OPCML: variants seen among roughly 807,000 people sequenced by gnomAD.
The protein encoded by OPCML is opioid-binding protein/cell adhesion molecule.
A neutral mutation model predicts 37.8 loss-of-function variants in OPCML; 13 were observed. The observed-to-expected ratio is 0.34, with a 90% CI of 0.22 to 0.55. The LOEUF (loss-of-function observed/expected upper bound fraction) is 0.55. Ranked by LOEUF, OPCML falls within the 20% of genes least tolerant of loss-of-function variation. The pLI is 0.91. For synonymous variants in OPCML, 176 were observed against 168.8 expected, an observed-to-expected ratio of 1.04 and a Z score of -0.33; for missense variants, 341 against 435.6, an observed-to-expected ratio of 0.78 and a Z score of 1.93.
At chr11:132,704,958 G>A (rs1333251990) in intron 2 of OPCML, among the ~76,000 whole-genome samples, 1 of 152,220 alleles carries the variant, frequency 6.6e-6, no homozygotes, top group Non-Finnish European at 1.5e-5. Flanking sequence ...TTGGGAGATG[G>A]AAGAGTGAAG....
intron 1 of OPCML, among the ~76,000 whole-genome samples, chr11:133,190,900 G>T (rs1267155186): frequency 2.0e-5 from 3 of 151,786 alleles, no homozygotes; most frequent in African/African-American, 4.8e-5. Flanking sequence ...TTTTAATAAG[G>T]TATATGTTTG....
At chr11:132,685,982 T>C (rs1166548520) in intron 2 of OPCML, among the ~76,000 whole-genome samples, 2 of 152,152 alleles carry the variant, frequency 1.3e-5, no homozygotes, top group African/African-American at 2.4e-5. Context: ...CTGGTGGCAT[T>C]TATTTTGAGT....
At chr11:133,353,479 C>T (rs1029887480) in intron 1 of OPCML, among the ~76,000 whole-genome samples, 10 of 152,052 alleles carry the variant, frequency 6.6e-5, no homozygotes, top group African/African-American at 2.4e-4. Context: ...CTGTTTTGGC[C>T]AGTCATCTTT....
intron 2 of OPCML, among the ~76,000 whole-genome samples, chr11:132,797,169 A>G (rs1938375573): frequency 6.6e-6 from 1 of 152,190 alleles, no homozygotes; most frequent in African/African-American, 2.4e-5. Flanking sequence ...CATATATAAG[A>G]AAGTTTTACC....
chr11:132,738,257 G>A (rs527639745), intron 2 of OPCML, among the ~76,000 whole-genome samples: 3 of 152,332 alleles, frequency 2.0e-5, no homozygotes, highest in African/African-American at 7.2e-5. Flanking sequence ...TTCTTTTGCA[G>A]TACACCCTTT....
At chr11:132,691,329 C>A (rs906394137) in intron 2 of OPCML, among the ~76,000 whole-genome samples, 4 of 152,210 alleles carry the variant, frequency 2.6e-5, no homozygotes, top group Admixed American at 6.5e-5. Flanking sequence ...AGCTAGTGAG[C>A]CTCCTGACAG....
chr11:133,085,009 T>C (rs1948797602), intron 1 of OPCML, among the ~76,000 whole-genome samples: 1 of 152,190 alleles, frequency 6.6e-6, no homozygotes, highest in Non-Finnish European at 1.5e-5. Context: ...GACTGAAATA[T>C]CTCATTCCTA....
At chr11:133,007,665 A>C (rs1206975207) in intron 1 of OPCML, 2 of 985,338 alleles carry the variant, frequency 2.0e-6, no homozygotes, top group African/African-American at 3.5e-5. Context: ...TTTTATTGAA[A>C]TAATAGGCAC....
Position 132,418,901 on chromosome 11 carries a change from C to G in OPCML, c.*1292G>C, listed in dbSNP as rs1361598330. Reference sequence around the variant, plus strand: ...CAAGTGCAAAAGGAAAACCACAGTGCTAATCAAAACTTTTCTAGGCTGATC... The same window carrying G: ...CAAGTGCAAAAGGAAAACCACAGTGGTAATCAAAACTTTTCTAGGCTGATC... On this transcript the variant is annotated 3_prime_UTR_variant, in exon 8 of 8. Coordinates refer to ENST00000524381, the MANE Select transcript of OPCML (RefSeq NM_001012393.5). 3 of 152,640 alleles carry G rather than the reference C, an allele frequency of 2.0e-5. No individual in the cohort carries two copies. Among genetic ancestry groups the G allele is most frequent in the Admixed American group, 2.0e-4 (3 of 15,268 alleles). The allele number at this position is 152,640 out of a possible 1,614,324, so 9.5% of individuals were successfully genotyped here. A position where few individuals can be genotyped will look rare whatever the true frequency, so the allele number is the denominator to read the frequency against.
intron 1 of OPCML, among the ~76,000 whole-genome samples, chr11:133,166,412 G>A (rs1950208597): frequency 2.0e-5 from 3 of 152,212 alleles, no homozygotes; most frequent in Non-Finnish European, 4.4e-5. Flanking sequence ...TCTGCTCAAG[G>A]CCATACAGCT....
chr11:133,206,221 C>A lies in OPCML; in HGVS notation c.62-263211G>T, dbSNP rs959224013. On this transcript the variant is annotated intron_variant, in intron 1 of 7. Transcript: ENST00000524381. This position sits in a 1 kb window ranked among gnomAD's most constrained non-coding sequence, Gnocchi z 4.7. ...AAACGTCATCAATGCTCAATGAATG[C>A]GAGCAGTACATTAAAGATCAGCAGT... Among the ~76,000 whole-genome samples, 17 of 152,108 alleles carry A rather than the reference C, an allele frequency of 1.1e-4. No individual in the cohort carries two copies. The highest frequency in any genetic ancestry group is 6.6e-5 in the Admixed American group (1 of 15,264).
intron 1 of OPCML, among the ~76,000 whole-genome samples, chr11:133,011,926 T>G (rs964620312): frequency 9.0e-4 from 137 of 152,206 alleles, no homozygotes; most frequent in African/African-American, 3.2e-3. Flanking sequence ...CCATTGTAGG[T>G]CAAAAACAGC....
chr11:132,559,240 A>G (rs1380966353), intron 3 of OPCML, among the ~76,000 whole-genome samples: 2 of 152,096 alleles, frequency 1.3e-5, no homozygotes, highest in Admixed American at 6.5e-5. Context: ...CCCACTGTCA[A>G]ATCTATCTTG....
intron 2 of OPCML, among the ~76,000 whole-genome samples, chr11:132,711,857 T>A (rs1008602226): frequency 3.3e-5 from 5 of 152,216 alleles, no homozygotes; most frequent in African/African-American, 9.7e-5. Context: ...CCTTCCAATG[T>A]AATTCTTTCT....
intron 3 of OPCML, among the ~76,000 whole-genome samples, chr11:132,577,847 G>A (rs548179325): frequency 1.3e-5 from 2 of 152,132 alleles, no homozygotes; most frequent in East Asian, 3.9e-4. Context: ...AAATTCTGGA[G>A]TTTAAGTCTT....
chr11:133,366,193 T>C (rs114555005), intron 1 of OPCML: 102 of 152,356 alleles, frequency 6.7e-4, no homozygotes, highest in African/African-American at 2.4e-3. Context: ...TACAAATTAC[T>C]GGCAGGAGGC....
chr11:132,820,614 A>C (rs541850162), intron 2 of OPCML, among the ~76,000 whole-genome samples: 1 of 152,126 alleles, frequency 6.6e-6, no homozygotes, highest in Non-Finnish European at 1.5e-5. Flanking sequence ...ATCGGAAATC[A>C]AGGAGTTTGA....
intron 1 of OPCML, among the ~76,000 whole-genome samples, chr11:133,025,863 A>G (rs562911630): frequency 6.7e-6 from 1 of 149,790 alleles, no homozygotes; most frequent in South Asian, 2.1e-4. Context: ...CCTCCTGAGT[A>G]GCTGGGACTA....
intron 3 of OPCML, among the ~76,000 whole-genome samples, chr11:132,578,184 C>T (rs1057065293): frequency 6.6e-6 from 1 of 152,170 alleles, no homozygotes; most frequent in Admixed American, 6.5e-5. Context: ...ATACAAATGT[C>T]CAGCCCACTT....
Sources: allele counts gnomAD v4.1 joint callset (sites outside exome capture counted in the v4.1 genomes callset), GRCh38; gene constraint gnomAD v4.1.1; non-coding constraint Gnocchi (gnomAD v3.1); transcripts MANE v1.5; gene names NCBI Gene and HGNC (gene_info 2026-07-23, HGNC 2026-07-21).